TSC1: variants seen among roughly 807,000 people sequenced by gnomAD.
TSC1 encodes TSC complex subunit 1.
In TSC1, 20 loss-of-function variants were observed where a neutral mutation model predicts 124.3. That is an observed-to-expected ratio of 0.16 (90% CI 0.11 to 0.23). TSC1 has a LOEUF of 0.23. Among genes scored for constraint, TSC1 ranks in the 10% least tolerant of loss-of-function variants. The pLI, the probability that TSC1 is intolerant of heterozygous loss-of-function variation, is 1.00. For synonymous variants in TSC1, 493 were observed against 539.1 expected, an observed-to-expected ratio of 0.91 and a Z score of 1.19; for missense variants, 1,124 against 1,448.5, an observed-to-expected ratio of 0.78 and a Z score of 3.64.
intron 20 of TSC1, chr9:132,900,383 TG>T: frequency 2.6e-6 from 1 of 383,234 alleles, no homozygotes; most frequent in African/African-American, 2.1e-5. Context: ...CTGAGAGGTA[TG>T]TTAAACAGAA....
chr9:132,910,596 T>C lies in TSC1; in HGVS notation c.1238A>G (p.Gln413Arg), dbSNP rs1060503218. 3 of 1,613,912 alleles carry C rather than the reference T, an allele frequency of 1.9e-6. No individual in the cohort carries two copies. The highest frequency in any genetic ancestry group is 2.5e-6 in the Non-Finnish European group (3 of 1,180,040). ...CTTCCTGGGGGGTGTGACTGTGGCCTGGGGGAGTGAAATGTGCACGTAGTC... is the reference window on the plus strand; with the variant it reads ...CTTCCTGGGGGGTGTGACTGTGGCCCGGGGGAGTGAAATGTGCACGTAGTC... ...SDDYVHISLP[Q>R]ATVTPPRKEE... is the part of the protein sequence containing the mutation. Residue 413 changes from glutamine to arginine, a missense_variant, in exon 12 of 23, where the codon CAG (glutamine) becomes CGG (arginine). Around this residue, in one of 5 missense-constraint regions of TSC1, gnomAD observed 463 missense variants for 606.8 expected, o/e 0.76. Coordinates refer to ENST00000298552, the MANE Select transcript of TSC1 (RefSeq NM_000368.5).
Position 132,895,389 on chromosome 9 carries a change from T to C in TSC1, c.*846A>G. The C allele has an allele frequency of 4.3e-6, 1 of 233,548 alleles. No individual in the cohort carries two copies. Among genetic ancestry groups the C allele is most frequent in the Non-Finnish European group, 8.5e-6 (1 of 118,074 alleles). 14.5% of individuals were successfully genotyped at this position (233,548 alleles called of 1,614,324 possible). A position where few individuals can be genotyped will look rare whatever the true frequency, so the allele number is the denominator to read the frequency against. On this transcript the variant is annotated 3_prime_UTR_variant, in exon 23 of 23. Transcript: ENST00000298552. ...GGTGCAGTTCCTCATGCTCAAGTGC[T>C]TCTCGGGTAACCTCTCCCAGTGACT... is the stretch of plus-strand genomic sequence containing the variant.
In TSC1 at chr9:132,892,129, C is replaced by A. The variant is rs946297778; in HGVS notation, c.*4106G>T. On this transcript the variant is annotated 3_prime_UTR_variant, in exon 23 of 23. Transcript: ENST00000298552. ...AGGCGAGCAGATAAGGACTGCAGGA[C>A]GGCATGGAAGAGACAGGAACACGCT... is the stretch of plus-strand genomic sequence containing the variant. The A allele has an allele frequency of 8.6e-6, 2 of 233,076 alleles. No homozygotes were observed. The highest frequency in any genetic ancestry group is 1.7e-5 in the Non-Finnish European group (2 of 118,042). 14.4% of individuals were successfully genotyped at this position (233,076 alleles called of 1,614,324 possible). A position where few individuals can be genotyped will look rare whatever the true frequency, so the allele number is the denominator to read the frequency against.
At chr9:132,938,382 C>CT (rs1847570964) in intron 1 of TSC1, among the ~76,000 whole-genome samples, 3 of 152,208 alleles carry the variant, frequency 2.0e-5, no homozygotes, top group African/African-American at 7.2e-5. Flanking sequence ...CAGATCTAGA[C>CT]TTTTTTCCCT....
intron 13 of TSC1, 27 bp downstream of exon 13, chr9:132,907,274 A>C: frequency 6.3e-7 from 1 of 1,591,924 alleles, no homozygotes; most frequent in African/African-American, 1.3e-5. Flanking sequence ...GAGGCAAGCA[A>C]GGCCTGTAGT....
chr9:132,927,925 C>T (rs1846977718), intron 3 of TSC1, among the ~76,000 whole-genome samples: 1 of 152,188 alleles, frequency 6.6e-6, no homozygotes, highest in African/African-American at 2.4e-5. Context: ...CTCCTCACCA[C>T]CTGCCTCCCA....
rs1302832406 is a variant in TSC1 at position 132,911,080 on chromosome 9, T to C, written c.1063A>G (p.Met355Val). Residue 355 changes from methionine (M) to valine (V), a missense_variant, in exon 11 of 23, where the codon ATG becomes GTG. Physicochemically the swap from Met to Val is conservative, Grantham distance 21. Coordinates refer to ENST00000298552, the MANE Select transcript of TSC1 (RefSeq NM_000368.5). ...TLWSPSMVCG[M>V]TTPPTSPGNV... ...CCAGGAGAAGTTGGAGGAGTGGTCA[T>C]ACCACAAACCATAGATGGGCTCCAA... The C allele has an allele frequency of 1.9e-6, 3 of 1,614,176 alleles. No homozygotes were observed. Among genetic ancestry groups the C allele is most frequent in the Non-Finnish European group, 2.5e-6 (3 of 1,180,024 alleles).
Position 132,938,879 on chromosome 9 carries a change from G to A in TSC1, c.-143-3784C>T, listed in dbSNP as rs116690909. Among the ~76,000 whole-genome samples, 233 of 152,144 alleles carry A rather than the reference G, an allele frequency of 1.5e-3. 2 individuals carry two copies. Among genetic ancestry groups the A allele is most frequent in the African/African-American group, 5.1e-3 (212 of 41,486 alleles). ...ATGTGGCCTAGACACTACCCTCTACGACTCCTCAGGACTGTATGTAACATA... is the reference window on the plus strand; with the variant it reads ...ATGTGGCCTAGACACTACCCTCTACAACTCCTCAGGACTGTATGTAACATA... On this transcript the variant is annotated intron_variant, in intron 1 of 22. Coordinates refer to ENST00000298552, the MANE Select transcript of TSC1 (RefSeq NM_000368.5).
At chr9:132,924,333 G>C (rs1267614786) in intron 5 of TSC1, among the ~76,000 whole-genome samples, 1 of 152,182 alleles carries the variant, frequency 6.6e-6, no homozygotes, top group Non-Finnish European at 1.5e-5. Flanking sequence ...ATGAGTCTGG[G>C]AATAAAGTTT....
chr9:132,894,693 T>TA lies in TSC1; in HGVS notation c.*1541dup, dbSNP rs748099884. On this transcript the variant is annotated 3_prime_UTR_variant, in exon 23 of 23. Transcript: ENST00000298552. ...GATGCTAGAATATTTATTGCCATGC[T>TA]AAAAAAAAAAAAAAAAAAAAAAGAC... 6,636 of 113,776 alleles carry TA rather than the reference T, an allele frequency of 0.058. 352 individuals are homozygous for TA. Among genetic ancestry groups the TA allele is most frequent in the African/African-American group, 0.16 (4,006 of 25,306 alleles). The allele number at this position is 113,776 out of a possible 1,614,324, so 7.0% of individuals were successfully genotyped here.
chr9:132,932,007 A>G (rs993256519), intron 2 of TSC1, among the ~76,000 whole-genome samples: 3 of 152,246 alleles, frequency 2.0e-5, no homozygotes, highest in Non-Finnish European at 2.9e-5. Context: ...TGTTAGCCAC[A>G]AAAGTCTCTA....
chr9:132,911,243 T>A (rs1286302577), intron 10 of TSC1, 130 bp from the exon 11 acceptor site: 62 of 856,634 alleles, frequency 7.2e-5, no homozygotes, highest in South Asian at 6.5e-4. Context: ...ATTAAAAGCG[T>A]ATCAAGAAAC....
Position 132,894,131 on chromosome 9 carries a change from T to C in TSC1, c.*2104A>G, listed in dbSNP as rs1019153783. 5 of 233,494 alleles carry C rather than the reference T, an allele frequency of 2.1e-5. No individual in the cohort carries two copies. The highest frequency in any genetic ancestry group is 3.4e-5 in the Non-Finnish European group (4 of 117,984). The allele number at this position is 233,494 out of a possible 1,614,324, so 14.5% of individuals were successfully genotyped here. A position where few individuals can be genotyped will look rare whatever the true frequency, so the allele number is the denominator to read the frequency against. On this transcript the variant is annotated 3_prime_UTR_variant, in exon 23 of 23. Coordinates refer to ENST00000298552, the MANE Select transcript of TSC1 (RefSeq NM_000368.5). ...GGCCGCATGGATGAGCTGAGGACCC[T>C]GTGCAGACACGTCCATGGAGCTTCT...
chr9:132,894,864 T>TC lies in TSC1; in HGVS notation c.*1370dup. 1 of 231,490 alleles carries TC rather than the reference T, an allele frequency of 4.3e-6. No individual in the cohort carries two copies. 14.3% of individuals were successfully genotyped at this position (231,490 alleles called of 1,614,324 possible). A position where few individuals can be genotyped will look rare whatever the true frequency, so the allele number is the denominator to read the frequency against. Reference sequence around the variant, plus strand: ...AGTTCACTGGCTCCTTCCTACCAAATCCCCCTGCCTCAGCTGGAACACCAG... The same window carrying TC: ...AGTTCACTGGCTCCTTCCTACCAAATCCCCCCTGCCTCAGCTGGAACACCAG... On this transcript the variant is annotated 3_prime_UTR_variant, in exon 23 of 23. Transcript: ENST00000298552.
intron 8 of TSC1, among the ~76,000 whole-genome samples, chr9:132,920,075 A>C (rs1457543615): frequency 1.3e-5 from 2 of 152,206 alleles, no homozygotes; most frequent in Non-Finnish European, 1.5e-5. Flanking sequence ...CCTTGCTAGA[A>C]GCCTTGCCAG....
chr9:132,928,331 T>C (rs1423014721), intron 3 of TSC1, among the ~76,000 whole-genome samples: 4 of 152,232 alleles, frequency 2.6e-5, no homozygotes, highest in Non-Finnish European at 5.9e-5. Context: ...TCAATTCATA[T>C]TCCTGCTAAC....
In TSC1 at chr9:132,921,672, T is replaced by A; in HGVS notation, c.663+147A>T. ...AAATCTATTAAGACAGAAAACAGATTAGTGGCTGCCTAGGGATTGGAGTGG... is the reference window on the plus strand; with the variant it reads ...AAATCTATTAAGACAGAAAACAGATAAGTGGCTGCCTAGGGATTGGAGTGG... On this transcript the variant is annotated intron_variant, in intron 7 of 22. Coordinates refer to ENST00000298552, the MANE Select transcript of TSC1 (RefSeq NM_000368.5). The surrounding 1 kb of genome is among the most constrained non-coding windows in gnomAD (Gnocchi z 4.3). 1 of 1,114,134 alleles carries A rather than the reference T, an allele frequency of 9.0e-7. No homozygotes were observed. The highest frequency in any genetic ancestry group is 1.3e-5 in the South Asian group (1 of 76,782). 69.0% of individuals were successfully genotyped at this position (1,114,134 alleles called of 1,614,324 possible).
chr9:132,898,501 G>A (rs1226278810), intron 20 of TSC1, among the ~76,000 whole-genome samples: 1 of 152,202 alleles, frequency 6.6e-6, no homozygotes, highest in African/African-American at 2.4e-5. Context: ...GATGCTGTCT[G>A]GTAAGCCCAA....
rs397514814 is a variant in TSC1, at chr9:132,901,660, G to A, written c.2431C>T (p.Arg811Trp). ...TTGTTGGCCTTCTTCAGTTCTATCC[G>A]CAGCTCCGCAATCATGTTCCTGCAG... ...EDCRNMIAEL[R>W]IELKKANNKV... The change falls in exon 19 of 23, where the codon CGG becomes TGG. Residue 811 changes from arginine to tryptophan, a missense_variant. Physicochemically the swap from Arg to Trp is moderately radical, Grantham distance 101. Coordinates refer to ENST00000298552, the MANE Select transcript of TSC1 (RefSeq NM_000368.5). 11 of 1,613,932 alleles carry A rather than the reference G, an allele frequency of 6.8e-6. No individual in the cohort carries two copies. The highest frequency in any genetic ancestry group is 2.2e-5 in the East Asian group (1 of 44,892).
Sources: allele counts gnomAD v4.1 joint callset (sites outside exome capture counted in the v4.1 genomes callset), GRCh38; gene constraint gnomAD v4.1.1; regional missense constraint gnomAD v4.1.1; non-coding constraint Gnocchi (gnomAD v3.1); transcripts MANE v1.5; gene names NCBI Gene and HGNC (gene_info 2026-07-23, HGNC 2026-07-21).